Variants in CLECL1 observed in about 807,000 individuals in gnomAD.
CLECL1 encodes the protein C-type lectin like 1.
At chr12:9,733,464 G>A (rs1866479837), upstream of CLECL1, among the ~76,000 whole-genome samples, 1 of 152,102 alleles carries the variant, frequency 6.6e-6, no homozygotes, top group Non-Finnish European at 1.5e-5. Context: ...AACAGAACAA[G>A]AAAAAGAAGG....
At chr12:9,728,550 T>A (rs987507524) in intron 2 of CLECL1, among the ~76,000 whole-genome samples, 2 of 151,832 alleles carry the variant, frequency 1.3e-5, no homozygotes, top group Admixed American at 1.3e-4. Flanking sequence ...AGAGAAACTT[T>A]TTAAGAAGAC....
downstream of CLECL1, among the ~76,000 whole-genome samples, chr12:9,712,071 A>G (rs1866204497): frequency 1.3e-5 from 2 of 152,184 alleles, no homozygotes; most frequent in Admixed American, 1.3e-4. Context: ...TTTTGAGGCC[A>G]GTTTAAGACC....
chr12:9,709,291 C>T, the CLECL1 span: 1 of 152,436 alleles, frequency 6.6e-6, no homozygotes, highest in Non-Finnish European at 1.5e-5. Context: ...CCCTCAAGCC[C>T]TGCTCCTCCA....
the CLECL1 span, among the ~76,000 whole-genome samples, chr12:9,708,461 G>T: frequency 1.3e-5 from 2 of 152,118 alleles, no homozygotes; most frequent in Non-Finnish European, 2.9e-5. Context: ...TCCCAAACTT[G>T]ATTCCAAGCT....
chr12:9,713,644 C>T (rs1467223312), downstream of CLECL1, among the ~76,000 whole-genome samples: 1 of 152,212 alleles, frequency 6.6e-6, no homozygotes, highest in Non-Finnish European at 1.5e-5. Flanking sequence ...GAAGTTCTCA[C>T]TCTTATTTTT....
the CLECL1 span, among the ~76,000 whole-genome samples, chr12:9,702,685 T>G: frequency 6.6e-6 from 1 of 152,138 alleles, no homozygotes; most frequent in South Asian, 2.1e-4. Flanking sequence ...ATATGCTGCT[T>G]CTCTCAGAGC....
chr12:9,722,736 T>C (rs752556884), exon 4 of CLECL1: 1 of 1,613,840 alleles, frequency 6.2e-7, no homozygotes, highest in Non-Finnish European at 8.5e-7. Context: ...GTTTCAGCAA[T>C]CCAGTAACAT....
At chr12:9,722,842 A>G in intron 3 of CLECL1, 29 bp from the exon 2 acceptor site, 1 of 1,539,526 alleles carries the variant, frequency 6.5e-7, no homozygotes. Flanking sequence ...AGCAATTAAA[A>G]TCAATGTAAA....
At chr12:9,718,623 A>G (rs991514205), downstream of CLECL1, 4 of 641,854 alleles carry the variant, frequency 6.2e-6, no homozygotes, top group African/African-American at 3.7e-5. Flanking sequence ...ACAACCTTTA[A>G]AGATGTAATT....
chr12:9,711,455 T>A (rs1294660511), downstream of CLECL1, among the ~76,000 whole-genome samples: 1 of 152,054 alleles, frequency 6.6e-6, no homozygotes, highest in East Asian at 1.9e-4. Context: ...TTCCACTTCA[T>A]ATTATTAAGC....
downstream of CLECL1, among the ~76,000 whole-genome samples, chr12:9,720,852 A>G (rs932119723): frequency 3.3e-5 from 5 of 152,132 alleles, no homozygotes; most frequent in Admixed American, 6.6e-5. Context: ...CCATCTTTCA[A>G]TTATCCTGGC....
At chr12:9,710,393 T>G in the CLECL1 span, among the ~76,000 whole-genome samples, 1 of 152,012 alleles carries the variant, frequency 6.6e-6, no homozygotes, top group South Asian at 2.1e-4. Context: ...CTAAGACCAG[T>G]CATTGTCCAT....
At chr12:9,724,003 G>A (rs964032805) in intron 3 of CLECL1, among the ~76,000 whole-genome samples, 2 of 151,568 alleles carry the variant, frequency 1.3e-5, no homozygotes, top group South Asian at 2.1e-4. Flanking sequence ...TGGCCAACAC[G>A]GCAAAATCCC....
At chr12:9,729,603 G>A (rs1440992951) in exon 2 of CLECL1, among the ~76,000 whole-genome samples, 1 of 151,984 alleles carries the variant, frequency 6.6e-6, no homozygotes, top group Admixed American at 6.6e-5. Context: ...AAAATATTCA[G>A]TACAATTACT....
chr12:9,710,854 C>T, the CLECL1 span, among the ~76,000 whole-genome samples: 1 of 152,180 alleles, frequency 6.6e-6, no homozygotes. Flanking sequence ...AAACCATCTC[C>T]CTTCTGACTC....
At chr12:9,733,111 A>AAGT (rs1555113160), upstream of CLECL1, 22 of 1,613,126 alleles carry the variant, frequency 1.4e-5, no homozygotes, top group Admixed American at 3.3e-5. Flanking sequence ...GAAACTTCTG[A>AAGT]TAAGTAAATT....
chr12:9,724,210 G>GA (rs1422432203), intron 3 of CLECL1, among the ~76,000 whole-genome samples: 20 of 146,110 alleles, frequency 1.4e-4, no homozygotes, highest in Non-Finnish European at 1.8e-4. Flanking sequence ...AAAAGAAAAA[G>GA]AAAAAAAAAG....
upstream of CLECL1, among the ~76,000 whole-genome samples, chr12:9,734,164 A>G (rs1364299083): frequency 6.6e-6 from 1 of 152,258 alleles, no homozygotes; most frequent in Non-Finnish European, 1.5e-5. Flanking sequence ...GAATTAATCT[A>G]AACTGCAGTC....
At chr12:9,714,285 T>G (rs527929104), downstream of CLECL1, among the ~76,000 whole-genome samples, 97 of 152,332 alleles carry the variant, frequency 6.4e-4, no homozygotes, top group African/African-American at 2.2e-3. Context: ...TGGCTATGCT[T>G]CTTTTTTCAC....
Sources: gnomAD v4.1 joint callset for allele counts (sites outside exome capture counted in the v4.1 genomes callset) on GRCh38, gnomAD v4.1.1 for gene constraint, MANE v1.5 for transcripts, NCBI Gene and HGNC (gene_info 2026-07-23, HGNC 2026-07-21) for gene names.